The following HINT3 variants were observed in gnomAD, a reference collection of about 807,000 sequenced individuals.
HINT3 encodes the protein adenosine 5'-monophosphoramidase HINT3.
In HINT3, 16 loss-of-function variants were observed where a neutral mutation model predicts 19.1. The ratio of observed to expected loss-of-function variants is 0.84; its 90% confidence interval spans 0.57 to 1.27. The LOEUF is 1.27. Among genes scored for constraint, HINT3 ranks in the 50% most tolerant of loss-of-function variants. The pLI is 0.00. For missense variants in HINT3, 197 were observed against 225.8 expected, an observed-to-expected ratio of 0.87 and a Z score of 0.82; for synonymous variants, 75 against 84.8, an observed-to-expected ratio of 0.88 and a Z score of 0.63.
chr6:125,978,905 T>G lies in HINT3; in HGVS notation c.*1229T>G, dbSNP rs1426188920. 6.6e-6 allele frequency: 1 copy of G among 152,188 alleles called. No homozygotes were observed. The highest frequency in any genetic ancestry group is 1.5e-5 in the Non-Finnish European group (1 of 68,020). The allele number at this position is 152,188 out of a possible 1,614,324, so 9.4% of individuals were successfully genotyped here. On this transcript the variant is annotated 3_prime_UTR_variant, in exon 5 of 5. Coordinates refer to ENST00000229633, the MANE Select transcript of HINT3 (RefSeq NM_138571.5). ...TTGAACATTTAATGTGTACCAGATA[T>G]TGCCAGGATCAGGAAATAAAGAACT...
intron 2 of HINT3, among the ~76,000 whole-genome samples, chr6:125,970,878 G>A (rs1352766129): frequency 6.6e-6 from 1 of 152,148 alleles, no homozygotes; most frequent in Admixed American, 6.5e-5. Flanking sequence ...ATATAGTCTG[G>A]CTTGAAGTAA....
At chr6:125,971,965 C>A (rs1789107955) in intron 2 of HINT3, among the ~76,000 whole-genome samples, 1 of 152,146 alleles carries the variant, frequency 6.6e-6, no homozygotes, top group African/African-American at 2.4e-5. Context: ...CCTGCCTCGG[C>A]CTCCCAAAGT....
intron 4 of HINT3, among the ~76,000 whole-genome samples, chr6:125,977,275 G>T (rs7775165): frequency 0.71 from 108,732 of 152,112 alleles, 39,411 homozygotes; most frequent in East Asian, 0.95. Flanking sequence ...TCCATAGTTT[G>T]GCTTTTTGCA....
At chr6:125,963,483 T>C (rs1788974067) in intron 1 of HINT3, among the ~76,000 whole-genome samples, 1 of 152,046 alleles carries the variant, frequency 6.6e-6, no homozygotes, top group African/African-American at 2.4e-5. Flanking sequence ...TCTGCCCTAT[T>C]TGGGTTTTCA....
intron 4 of HINT3, 93 bp from the exon 5 acceptor site, chr6:125,977,551 T>C (rs1267004718): frequency 3.3e-6 from 2 of 607,172 alleles, no homozygotes; most frequent in African/African-American, 3.8e-5. Flanking sequence ...TACTCAACTC[T>C]TCTAATGTGG....
intron 1 of HINT3, among the ~76,000 whole-genome samples, chr6:125,958,436 G>C (rs889630223): frequency 6.6e-6 from 1 of 152,128 alleles, no homozygotes; most frequent in Non-Finnish European, 1.5e-5. Flanking sequence ...TATAGGAAGG[G>C]GGTTGATCTT....
At chr6:125,969,143 A>ACATTTAAAT (rs1789061809) in intron 2 of HINT3, among the ~76,000 whole-genome samples, 1 of 152,208 alleles carries the variant, frequency 6.6e-6, no homozygotes, top group Non-Finnish European at 1.5e-5. Context: ...TTGAGGTCCT[A>ACATTTAAAT]CATTTAAATC....
chr6:125,973,315 G>C (rs1307806525), intron 3 of HINT3, among the ~76,000 whole-genome samples: 1 of 152,064 alleles, frequency 6.6e-6, no homozygotes, highest in African/African-American at 2.4e-5. Flanking sequence ...CTGACATCAA[G>C]TGATCCGCCC....
At position 125,962,241 on chromosome 6, in the gene HINT3, TATATATATAC is replaced by T. The variant is rs1562212207; in HGVS notation, c.202-4644_202-4635del. On this transcript the variant is annotated intron_variant, in intron 1 of 4. Transcript: ENST00000229633. ...ATATATATATATATATATACACATA[TATATATATAC>T]ACACATATATATATATATACATACA... Among the ~76,000 whole-genome samples the T allele has an allele frequency of 7.4e-4, 30 of 40,280 alleles. 1 individual carries two copies. The highest frequency in any genetic ancestry group is 1.0e-3 in the African/African-American group (5 of 4,814). The allele number at this position is 40,280 out of a possible 152,430, so 26.4% of individuals were successfully genotyped here.
At chr6:125,976,500 C>T (rs1789179933) in intron 4 of HINT3, among the ~76,000 whole-genome samples, 1 of 147,920 alleles carries the variant, frequency 6.8e-6, no homozygotes, top group African/African-American at 2.5e-5. Flanking sequence ...GGATATTCTG[C>T]CGGACAGCTG....
chr6:125,967,451 C>A (rs903197198), intron 2 of HINT3, among the ~76,000 whole-genome samples: 1 of 150,748 alleles, frequency 6.6e-6, no homozygotes, highest in Non-Finnish European at 1.5e-5. Context: ...CCTGCCTCAG[C>A]CTTCCAAGTA....
At position 125,980,018 on chromosome 6, in the gene HINT3, C is replaced by A. The variant is rs1789228471; in HGVS notation, c.*2342C>A. On this transcript the variant is annotated 3_prime_UTR_variant, in exon 5 of 5. Transcript: ENST00000229633. The stretch of plus-strand genomic sequence containing the variant: ...ATAAAGATTAATAATCAAATTACTA[C>A]AATTAATATCCATTTAGCCTTTTCA... 1 of 152,134 alleles carries A rather than the reference C, an allele frequency of 6.6e-6. No individual in the cohort carries two copies. Among genetic ancestry groups the A allele is most frequent in the Admixed American group, 6.5e-5 (1 of 15,286 alleles). The allele number at this position is 152,134 out of a possible 1,614,324, so 9.4% of individuals were successfully genotyped here. A position where few individuals can be genotyped will look rare whatever the true frequency, so the allele number is the denominator to read the frequency against.
intron 1 of HINT3, among the ~76,000 whole-genome samples, chr6:125,961,393 C>T (rs890571129): frequency 2.6e-5 from 4 of 152,152 alleles, no homozygotes; most frequent in Non-Finnish European, 5.9e-5. Context: ...ATACTATCTA[C>T]CTGATGATAG....
intron 2 of HINT3, among the ~76,000 whole-genome samples, chr6:125,969,925 G>A (rs562964409): frequency 2.0e-5 from 3 of 152,080 alleles, no homozygotes; most frequent in Non-Finnish European, 2.9e-5. Context: ...TCAGATTGTT[G>A]GTGAAGAGAG....
chr6:125,968,569 T>C (rs999649580), intron 2 of HINT3, among the ~76,000 whole-genome samples: 2 of 152,138 alleles, frequency 1.3e-5, no homozygotes, highest in Non-Finnish European at 2.9e-5. Flanking sequence ...TCTATTTTAA[T>C]TTTTTTGAGA....
At chr6:125,971,285 G>T (rs746563546) in intron 2 of HINT3, among the ~76,000 whole-genome samples, 3 of 152,160 alleles carry the variant, frequency 2.0e-5, no homozygotes, top group Non-Finnish European at 4.4e-5. Context: ...CTTAATTTGG[G>T]CTCAAAGACA....
At chr6:125,959,698 T>G (rs1246193212) in intron 1 of HINT3, among the ~76,000 whole-genome samples, 5 of 152,162 alleles carry the variant, frequency 3.3e-5, no homozygotes, top group Non-Finnish European at 5.9e-5. Context: ...ACAGGAGAAG[T>G]TGGGGATTAA....
At chr6:125,958,923 T>C (rs988522844) in intron 1 of HINT3, among the ~76,000 whole-genome samples, 1 of 152,150 alleles carries the variant, frequency 6.6e-6, no homozygotes, top group African/African-American at 2.4e-5. Context: ...TATAAGAGGA[T>C]AAGGAAATGA....
intron 1 of HINT3, among the ~76,000 whole-genome samples, chr6:125,966,501 A>G (rs1268033125): frequency 2.0e-5 from 3 of 152,232 alleles, no homozygotes; most frequent in East Asian, 1.9e-4. Context: ...TTAAATGTAG[A>G]AAGGAATTTA....
Sources: gnomAD v4.1 joint callset for allele counts (sites outside exome capture counted in the v4.1 genomes callset) on GRCh38, gnomAD v4.1.1 for gene constraint, MANE v1.5 for transcripts, NCBI Gene and HGNC (gene_info 2026-07-23, HGNC 2026-07-21) for gene names.